AGBL4: variants seen among roughly 807,000 people sequenced by gnomAD.
The protein encoded by AGBL4 is AGBL carboxypeptidase 4.
AGBL4 carries 58 observed loss-of-function variants against 66.4 expected under a neutral mutation model. That is an observed-to-expected ratio of 0.87 (90% CI 0.71 to 1.09). The LOEUF (loss-of-function observed/expected upper bound fraction) is 1.09. Ranked by LOEUF, AGBL4 falls within the 50% of genes least tolerant of loss-of-function variation. AGBL4 has a pLI of 0.00. For missense variants in AGBL4, 579 were observed against 631.0 expected (o/e 0.92, Z 0.88); for synonymous variants, 234 against 222.9 (o/e 1.05, Z -0.44).
chr1:48,886,299 C>G (rs1650337091), intron 5 of AGBL4, among the ~76,000 whole-genome samples: 1 of 152,170 alleles, frequency 6.6e-6, no homozygotes, highest in Non-Finnish European at 1.5e-5. Flanking sequence ...CTAGCACACA[C>G]TAGAGGCTGA....
intron 3 of AGBL4, among the ~76,000 whole-genome samples, chr1:49,437,235 C>G (rs1256880436): frequency 6.6e-6 from 1 of 152,178 alleles, no homozygotes; most frequent in Non-Finnish European, 1.5e-5. Context: ...AAAGGATTGG[C>G]TTTCTGGTAT....
intron 5 of AGBL4, among the ~76,000 whole-genome samples, chr1:48,972,751 G>C (rs974968650): frequency 6.6e-6 from 1 of 152,112 alleles, no homozygotes; most frequent in African/African-American, 2.4e-5. Flanking sequence ...GGGTTAGAAA[G>C]AATTGTTCAT....
chr1:49,340,045 A>G (rs1393146797), intron 3 of AGBL4, among the ~76,000 whole-genome samples: 1 of 152,204 alleles, frequency 6.6e-6, no homozygotes, highest in African/African-American at 2.4e-5. Flanking sequence ...GTGTGGAAAT[A>G]ATGCATATCA....
At chr1:48,943,208 C>T (rs1206450751) in intron 5 of AGBL4, among the ~76,000 whole-genome samples, 3 of 152,288 alleles carry the variant, frequency 2.0e-5, no homozygotes, top group East Asian at 1.9e-4. Flanking sequence ...TGACAATGTC[C>T]CTGCCCCCAT....
In AGBL4 at chr1:49,245,802, G is replaced by A. The variant is rs1490769383; in HGVS notation, c.345C>T (p.Ala115=). The A allele has an allele frequency of 1.4e-5, 21 of 1,549,560 alleles. No individual in the cohort carries two copies. The highest frequency in any genetic ancestry group is 1.7e-5 in the Non-Finnish European group (20 of 1,145,548). ...KTKSLYRDGM[A]PMVKSTSRPK... ...GTCTGCTGGTAGATTTCACCATAGG[G>A]GCCATCCCATCTCTATAGAGACTCT... Residue 115 remains alanine, a synonymous_variant, in exon 4 of 14, where the codon GCC becomes GCT. Coordinates refer to ENST00000371839, the MANE Select transcript of AGBL4 (RefSeq NM_032785.4).
At chr1:48,629,636 G>T (rs1458849558) in intron 9 of AGBL4, among the ~76,000 whole-genome samples, 3 of 152,104 alleles carry the variant, frequency 2.0e-5, no homozygotes, top group Non-Finnish European at 4.4e-5. Flanking sequence ...TAATTTCAGT[G>T]GGGGGTAAAA....
intron 9 of AGBL4, among the ~76,000 whole-genome samples, chr1:48,614,583 G>A (rs763739881): frequency 5.3e-5 from 8 of 152,196 alleles, no homozygotes; most frequent in Non-Finnish European, 8.8e-5. Context: ...CTTTTCCATT[G>A]AAAAGATGTG....
intron 2 of AGBL4, chr1:49,845,754 C>T (rs2148050457): frequency 6.3e-7 from 1 of 1,585,162 alleles, no homozygotes; most frequent in Non-Finnish European, 8.7e-7. Flanking sequence ...CCTATGGATG[C>T]AACGAGTGTG....
intron 3 of AGBL4, among the ~76,000 whole-genome samples, chr1:49,305,604 G>A (rs1355396859): frequency 6.6e-6 from 1 of 152,132 alleles, no homozygotes; most frequent in Non-Finnish European, 1.5e-5. Context: ...TGTCATTAAA[G>A]CGGATCAGAA....
At chr1:49,938,034 T>C (rs138707424) in intron 1 of AGBL4, among the ~76,000 whole-genome samples, 9,368 of 143,936 alleles carry the variant, frequency 0.065, 446 homozygotes, top group African/African-American at 0.12. Context: ...AAAAAGCCCT[T>C]GAAAAAATTA....
At chr1:48,646,926 G>T (rs1036129332) in intron 8 of AGBL4, among the ~76,000 whole-genome samples, 2 of 152,122 alleles carry the variant, frequency 1.3e-5, no homozygotes, top group African/African-American at 4.8e-5. Context: ...AGCTCCTCTT[G>T]TATCTCTCAG....
intron 2 of AGBL4, among the ~76,000 whole-genome samples, chr1:49,754,757 C>T (rs1246142563): frequency 6.6e-6 from 1 of 152,204 alleles, no homozygotes; most frequent in African/African-American, 2.4e-5. Context: ...GAGCCATTAG[C>T]AGGAACATTT....
intron 4 of AGBL4, among the ~76,000 whole-genome samples, chr1:49,138,546 T>G (rs1646058011): frequency 6.6e-6 from 1 of 152,146 alleles, no homozygotes; most frequent in Admixed American, 6.6e-5. Flanking sequence ...ATCACTGAAA[T>G]GACTGAAAAT....
intron 5 of AGBL4, among the ~76,000 whole-genome samples, chr1:49,041,855 G>A (rs1173177093): frequency 6.6e-6 from 1 of 151,998 alleles, no homozygotes; most frequent in Non-Finnish European, 1.5e-5. Context: ...AATCACACCA[G>A]ACTTCTAACC....
chr1:49,013,053 C>CT (rs1662566429), intron 5 of AGBL4, among the ~76,000 whole-genome samples: 1 of 152,208 alleles, frequency 6.6e-6, no homozygotes, highest in Non-Finnish European at 1.5e-5. Context: ...TCACCAGAAG[C>CT]TGAGCAGATG....
At chr1:49,618,348 A>ACCAG (rs1328947815) in intron 3 of AGBL4, among the ~76,000 whole-genome samples, 1 of 150,858 alleles carries the variant, frequency 6.6e-6, no homozygotes, top group Non-Finnish European at 1.5e-5. Context: ...AATGATGTAT[A>ACCAG]ATCCTTTGGG....
chr1:49,131,812 G>T (rs1645903288), intron 4 of AGBL4, among the ~76,000 whole-genome samples: 2 of 152,096 alleles, frequency 1.3e-5, no homozygotes, highest in Admixed American at 1.3e-4. Flanking sequence ...GAGTGTTGAT[G>T]ACATCTTCTG....
chr1:48,930,350 G>C (rs1418047349), intron 5 of AGBL4, among the ~76,000 whole-genome samples: 5 of 152,000 alleles, frequency 3.3e-5, no homozygotes, highest in Admixed American at 3.3e-4. Context: ...CACTGGCATA[G>C]CTAGAACAGG....
chr1:49,255,931 G>A (rs1273553704), intron 3 of AGBL4, among the ~76,000 whole-genome samples: 2 of 152,162 alleles, frequency 1.3e-5, no homozygotes, highest in Admixed American at 1.3e-4. Context: ...AATATTGCAT[G>A]TTCTCACTTA....
Sources: allele counts gnomAD v4.1 joint callset (sites outside exome capture counted in the v4.1 genomes callset), GRCh38; gene constraint gnomAD v4.1.1; transcripts MANE v1.5; gene names NCBI Gene and HGNC (gene_info 2026-07-23, HGNC 2026-07-21).